Variants in GDPD1 observed in about 807,000 individuals in gnomAD.
GDPD1 encodes the protein glycerophosphodiester phosphodiesterase domain containing 1.
A neutral mutation model predicts 45.1 loss-of-function variants in GDPD1; 28 were observed. The observed-to-expected ratio is 0.62, with a 90% confidence interval of 0.46 to 0.85. GDPD1 has a LOEUF of 0.85. Ranked by LOEUF, GDPD1 falls within the 40% of genes least tolerant of loss-of-function variation. The pLI, the probability that GDPD1 is intolerant of heterozygous loss-of-function variation, is 0.00. For missense variants in GDPD1, 256 were observed against 364.8 expected, an observed-to-expected ratio of 0.70 and a Z score of 2.43; for synonymous variants, 139 against 131.4, an observed-to-expected ratio of 1.06 and a Z score of -0.40.
intron 2 of GDPD1, among the ~76,000 whole-genome samples, chr17:59,239,073 G>C (rs1003013689): frequency 1.3e-5 from 2 of 152,178 alleles, no homozygotes; most frequent in Non-Finnish European, 2.9e-5. Context: ...AGCCGGAATG[G>C]TAAGGAGAAA....
rs781384753 is a variant in GDPD1 at position 59,274,843 on chromosome 17, ATTTTTTT to A, written c.*1080_*1086del. Among the ~76,000 whole-genome samples the A allele has an allele frequency of 7.3e-6, 1 of 137,356 alleles. No individual in the cohort carries two copies. The highest frequency in any genetic ancestry group is 1.6e-5 in the Non-Finnish European group (1 of 63,654). The allele number at this position is 137,356 out of a possible 152,430, so 90.1% of individuals were successfully genotyped here. ...CTGGAATACAATCAATTAGTAAAAG[ATTTTTTT>A]TTTTTTTTTGACATGTAGTCTTGCT... On this transcript the variant is annotated 3_prime_UTR_variant, in exon 10 of 10. Transcript: ENST00000284116.
chr17:59,252,690 T>C (rs2047264408), intron 4 of GDPD1, among the ~76,000 whole-genome samples: 1 of 150,638 alleles, frequency 6.6e-6, no homozygotes, highest in South Asian at 2.1e-4. Context: ...AGAGCGAGAC[T>C]GTCTCAAAAA....
At chr17:59,251,495 GACA>G (rs926971314) in intron 4 of GDPD1, among the ~76,000 whole-genome samples, 3 of 150,032 alleles carry the variant, frequency 2.0e-5, no homozygotes, top group African/African-American at 7.4e-5. Context: ...CTCCAGCCTG[GACA>G]ACAAGAGCAA....
At chr17:59,253,434 C>A (rs542679233) in intron 4 of GDPD1, among the ~76,000 whole-genome samples, 1 of 152,186 alleles carries the variant, frequency 6.6e-6, no homozygotes, top group East Asian at 1.9e-4. Flanking sequence ...GAATTCCTGG[C>A]CTCAAGCAAT....
At position 59,274,977 on chromosome 17, in the gene GDPD1, G is replaced by A. The variant is rs2047471538; in HGVS notation, c.*1204G>A. 1 of 535,212 alleles carries A rather than the reference G, an allele frequency of 1.9e-6. No homozygotes were observed. The highest frequency in any genetic ancestry group is 3.4e-6 in the Non-Finnish European group (1 of 294,586). 33.2% of individuals were successfully genotyped at this position (535,212 alleles called of 1,614,324 possible). A position where few individuals can be genotyped will look rare whatever the true frequency, so the allele number is the denominator to read the frequency against. On this transcript the variant is annotated 3_prime_UTR_variant, in exon 10 of 10. Coordinates refer to ENST00000284116, the MANE Select transcript of GDPD1 (RefSeq NM_182569.4). ...CTGCCTCTGCCTCCCGAGTACCTGG[G>A]ATTACAGGTGCCTGCTACCATGCCC...
At chr17:59,270,385 G>C (rs529998121) in intron 7 of GDPD1, among the ~76,000 whole-genome samples, 29 of 151,740 alleles carry the variant, frequency 1.9e-4, no homozygotes, top group Non-Finnish European at 3.1e-4. Flanking sequence ...GTAGAGACGG[G>C]GGGGGGTTTC....
At chr17:59,224,637 A>C (rs915559143) in intron 1 of GDPD1, among the ~76,000 whole-genome samples, 1 of 146,160 alleles carries the variant, frequency 6.8e-6, no homozygotes, top group Non-Finnish European at 1.5e-5. Context: ...AAAAAAAAAA[A>C]AACAAAAAAC....
At position 59,275,140 on chromosome 17, in the gene GDPD1, C is replaced by T. The variant is rs1289806700; in HGVS notation, c.*1367C>T. ...TACAGGTTTGAACCACTGCACCCGG[C>T]CAGTAAAAGAAATTTTGAAGGCCAT... On this transcript the variant is annotated 3_prime_UTR_variant, in exon 10 of 10. Transcript: ENST00000284116. 2.6e-6 allele frequency: 4 copies of T among 1,535,886 alleles called. No homozygotes were observed. The highest frequency in any genetic ancestry group is 3.5e-6 in the Non-Finnish European group (4 of 1,146,030).
At chr17:59,265,425 C>G (rs1249018973) in intron 6 of GDPD1, among the ~76,000 whole-genome samples, 1 of 151,634 alleles carries the variant, frequency 6.6e-6, no homozygotes, top group Non-Finnish European at 1.5e-5. Context: ...GTAGTCCCAG[C>G]TGTTTGGGAG....
At position 59,257,083 on chromosome 17, in the gene GDPD1, T is replaced by C. The variant is rs754056204; in HGVS notation, c.368-39T>C. 6.6e-6 allele frequency: 7 copies of C among 1,062,868 alleles called. No homozygotes were observed. In the African/African-American group the frequency reaches 1.1e-4, roughly 17 times the overall value. The allele number at this position is 1,062,868 out of a possible 1,614,324, so 65.8% of individuals were successfully genotyped here. ...TCTCTAGTCATCAAAAAGTAAAACTTATATTTAAAAAATACATTTAAAAAT... is the reference window on the plus strand; with the variant it reads ...TCTCTAGTCATCAAAAAGTAAAACTCATATTTAAAAAATACATTTAAAAAT... On this transcript the variant is annotated intron_variant, in intron 4 of 9. Transcript: ENST00000284116.
chr17:59,249,640 G>T (rs2047238375), intron 4 of GDPD1, among the ~76,000 whole-genome samples: 2 of 152,086 alleles, frequency 1.3e-5, no homozygotes, highest in African/African-American at 4.8e-5. Flanking sequence ...GACCCAACTT[G>T]TTAGTTACTT....
rs2047092175 is a variant in GDPD1 at position 59,231,732 on chromosome 17, C to T, written c.143-2760C>T. Among the ~76,000 whole-genome samples, 3 of 151,996 alleles carry T rather than the reference C, an allele frequency of 2.0e-5. No individual in the cohort carries two copies. In the South Asian group the frequency reaches 6.2e-4, roughly 32 times the overall value. ...AATTAAGACAACTGCAGATTGTCCC[C>T]ATGGATGACTAACATCGTTGACTCC... On this transcript the variant is annotated intron_variant, in intron 1 of 9. Transcript: ENST00000284116.
At chr17:59,259,165 C>T (rs1191422315) in intron 6 of GDPD1, among the ~76,000 whole-genome samples, 3 of 151,346 alleles carry the variant, frequency 2.0e-5, no homozygotes, top group Non-Finnish European at 2.9e-5. Flanking sequence ...CACAGTGGCT[C>T]GCCCCTGTAA....
chr17:59,233,330 G>T (rs970923540), intron 1 of GDPD1, among the ~76,000 whole-genome samples: 1 of 152,128 alleles, frequency 6.6e-6, no homozygotes, highest in Non-Finnish European at 1.5e-5. Context: ...TGGCTAACAC[G>T]GTGAAACCCC....
chr17:59,259,356 G>C (rs1013978388), intron 6 of GDPD1, among the ~76,000 whole-genome samples: 1 of 151,240 alleles, frequency 6.6e-6, no homozygotes, highest in South Asian at 2.1e-4. Flanking sequence ...TCACGAGGTT[G>C]GGAGATTGAG....
At chr17:59,256,899 A>T (rs1429474302) in intron 4 of GDPD1, among the ~76,000 whole-genome samples, 1 of 152,188 alleles carries the variant, frequency 6.6e-6, no homozygotes, top group Admixed American at 6.6e-5. Context: ...AGCACATCAT[A>T]TTATTAGTAT....
At chr17:59,250,267 A>G (rs937892702) in intron 4 of GDPD1, among the ~76,000 whole-genome samples, 1 of 152,182 alleles carries the variant, frequency 6.6e-6, no homozygotes, top group Non-Finnish European at 1.5e-5. Flanking sequence ...AGAAAATTTC[A>G]GAAATGAAGT....
At chr17:59,263,645 A>C (rs1257355959) in intron 6 of GDPD1, among the ~76,000 whole-genome samples, 1 of 150,926 alleles carries the variant, frequency 6.6e-6, no homozygotes, top group Non-Finnish European at 1.5e-5. Context: ...CGCCCAGCTA[A>C]TTTTTTGTAT....
intron 4 of GDPD1, among the ~76,000 whole-genome samples, chr17:59,254,085 G>A (rs2047277190): frequency 6.6e-6 from 1 of 151,434 alleles, no homozygotes; most frequent in African/African-American, 2.4e-5. Context: ...AAAAGGGCCG[G>A]GTGCGGTGGC....
Sources: gnomAD v4.1 joint callset for allele counts (sites outside exome capture counted in the v4.1 genomes callset) on GRCh38, gnomAD v4.1.1 for gene constraint, MANE v1.5 for transcripts, NCBI Gene and HGNC (gene_info 2026-07-23, HGNC 2026-07-21) for gene names.